Variants in DRICH1 observed in about 807,000 individuals in gnomAD.
The protein encoded by DRICH1 is aspartate-rich protein 1.
A neutral mutation model predicts 39.5 loss-of-function variants in DRICH1; 38 were observed. The observed-to-expected ratio is 0.96, with a 90% CI of 0.74 to 1.26. The LOEUF is 1.26. Among genes scored for constraint, DRICH1 ranks in the 50% most tolerant of loss-of-function variants. DRICH1 has a pLI of 0.00. For missense variants in DRICH1, 279 were observed against 270.4 expected, an observed-to-expected ratio of 1.03 and a Z score of -0.22; for synonymous variants, 84 against 99.5, an observed-to-expected ratio of 0.84 and a Z score of 0.93.
chr22:23,616,729 C>T (rs1927370712), intron 8 of DRICH1, 124 bp downstream of exon 8: 3 of 1,304,746 alleles, frequency 2.3e-6, no homozygotes, highest in Admixed American at 1.7e-5. Context: ...TAGCTATACA[C>T]TTGCAGAATC....
At chr22:23,618,647 T>A (rs1195869319) in intron 6 of DRICH1, among the ~76,000 whole-genome samples, 1 of 152,136 alleles carries the variant, frequency 6.6e-6, no homozygotes. Context: ...GAGCCTGCTC[T>A]ACCTGTACCA....
At chr22:23,608,825 T>C (rs1317268096) in intron 11 of DRICH1, 57 bp from the exon 12 acceptor site, 3 of 1,543,178 alleles carry the variant, frequency 1.9e-6, no homozygotes, top group Non-Finnish European at 2.6e-6. Flanking sequence ...TTGTGCACTA[T>C]GACATCATCC....
chr22:23,595,809 C>A, the DRICH1 span, among the ~76,000 whole-genome samples: 294 of 152,186 alleles, frequency 1.9e-3, no homozygotes, highest in Non-Finnish European at 3.2e-3. Context: ...TCTCAGGAAA[C>A]CCTAAGCCAG....
chr22:23,582,651 T>C, the DRICH1 span, among the ~76,000 whole-genome samples: 7 of 151,994 alleles, frequency 4.6e-5, no homozygotes, highest in South Asian at 4.2e-4. Context: ...CTGTGGCCTC[T>C]GCCTCCCGGG....
Position 23,620,870 on chromosome 22 carries a change from A to G in DRICH1, c.385-255T>C, listed in dbSNP as rs1313026174. Among the ~76,000 whole-genome samples, 3 of 152,212 alleles carry G rather than the reference A, an allele frequency of 2.0e-5. No individual in the cohort carries two copies. In the East Asian group the frequency reaches 5.8e-4, roughly 29 times the overall value. ...TTAGATTGGTAAATGCACAATGCCT[A>G]ATCCAAAGAGAAAAACTGGTGTGGA... On this transcript the variant is annotated intron_variant, in intron 4 of 11. Coordinates refer to ENST00000317749, the MANE Select transcript of DRICH1 (RefSeq NM_016449.4).
At position 23,608,516 on chromosome 22, in the gene DRICH1, G is replaced by A. The variant is rs1016639970; in HGVS notation, c.*248C>T. 9 of 524,720 alleles carry A rather than the reference G, an allele frequency of 1.7e-5. No individual in the cohort carries two copies. The highest frequency in any genetic ancestry group is 9.1e-5 in the Admixed American group (3 of 33,118). 32.5% of individuals were successfully genotyped at this position (524,720 alleles called of 1,614,324 possible). ...CTTTCTGCTCGTGGAGCACAGTCAC[G>A]TCTCTTCTCACTCTCTTGCCAAAGG... is the stretch of plus-strand genomic sequence containing the variant. On this transcript the variant is annotated 3_prime_UTR_variant, in exon 12 of 12. Coordinates refer to ENST00000317749, the MANE Select transcript of DRICH1 (RefSeq NM_016449.4).
the DRICH1 span, chr22:23,581,656 G>A: frequency 6.7e-6 from 1 of 150,254 alleles, no homozygotes. Context: ...CCAGGCTGGA[G>A]TGCAGTGTGG....
At chr22:23,621,811 G>T (rs1398650980) in intron 4 of DRICH1, among the ~76,000 whole-genome samples, 1 of 152,216 alleles carries the variant, frequency 6.6e-6, no homozygotes, top group Non-Finnish European at 1.5e-5. Context: ...CTACCTGGGA[G>T]GCTGAGGCAG....
rs140371041 is a variant in DRICH1 at position 23,618,861 on chromosome 22, A to C, written c.436+503T>G. Among the ~76,000 whole-genome samples the C allele has an allele frequency of 1.7e-3, 264 of 152,264 alleles. 5 individuals are homozygous for C. In the East Asian group the frequency reaches 0.038, roughly 22 times the overall value. On this transcript the variant is annotated intron_variant, in intron 6 of 11. Coordinates refer to ENST00000317749, the MANE Select transcript of DRICH1 (RefSeq NM_016449.4). ...CCTTGATGCCTATTCATTCAGACAT[A>C]CAAAATATTGGTATAAGATATCACA... is the stretch of plus-strand genomic sequence containing the variant.
chr22:23,609,579 G>A (rs1926922823), intron 11 of DRICH1, among the ~76,000 whole-genome samples: 1 of 152,122 alleles, frequency 6.6e-6, no homozygotes, highest in Non-Finnish European at 1.5e-5. Context: ...GTTTGTGCAG[G>A]TGTCAGCAGG....
the DRICH1 span, among the ~76,000 whole-genome samples, chr22:23,593,846 C>T: frequency 2.6e-5 from 4 of 151,772 alleles, no homozygotes; most frequent in East Asian, 1.9e-4. Context: ...GGCGTGGTGG[C>T]GCATGCCTGT....
At chr22:23,621,132 A>G (rs1927701511) in intron 4 of DRICH1, among the ~76,000 whole-genome samples, 1 of 152,106 alleles carries the variant, frequency 6.6e-6, no homozygotes, top group South Asian at 2.1e-4. Flanking sequence ...TCTGCCTTGA[A>G]CTGGTTTAGG....
chr22:23,611,035 C>T (rs982455883), intron 11 of DRICH1, among the ~76,000 whole-genome samples: 1 of 152,086 alleles, frequency 6.6e-6, no homozygotes, highest in African/African-American at 2.4e-5. Flanking sequence ...ACTCCCTGAG[C>T]CAAGAGCTTC....
intron 10 of DRICH1, 43 bp from the exon 11 acceptor site, chr22:23,613,373 A>G (rs1927158588): frequency 6.7e-7 from 1 of 1,492,362 alleles, no homozygotes. Flanking sequence ...AGAGAGAGTG[A>G]CTCACCCACT....
the DRICH1 span, among the ~76,000 whole-genome samples, chr22:23,594,623 C>T: frequency 6.6e-6 from 1 of 152,252 alleles, no homozygotes; most frequent in East Asian, 1.9e-4. Context: ...CAAGTGACTA[C>T]TCATCTGTCA....
chr22:23,618,490 T>A (rs1263173309), intron 6 of DRICH1, among the ~76,000 whole-genome samples: 1 of 152,170 alleles, frequency 6.6e-6, no homozygotes, highest in Non-Finnish European at 1.5e-5. Context: ...TAGTCATGAT[T>A]TCCTCTTTGT....
chr22:23,586,580 G>A, the DRICH1 span, among the ~76,000 whole-genome samples: 1 of 152,178 alleles, frequency 6.6e-6, no homozygotes, highest in Non-Finnish European at 1.5e-5. Flanking sequence ...TTTCACTCTT[G>A]TCACCCAGGC....
At chr22:23,632,683 G>GC (rs1054063741), upstream of DRICH1, 2 of 152,638 alleles carry the variant, frequency 1.3e-5, no homozygotes, top group Non-Finnish European at 2.9e-5. Context: ...TGAGCGGGGG[G>GC]GGTGGATCAC....
chr22:23,612,010 A>G (rs139461993), intron 11 of DRICH1, among the ~76,000 whole-genome samples: 345 of 152,304 alleles, frequency 2.3e-3, no homozygotes, highest in African/African-American at 7.4e-3. Flanking sequence ...GAGGAGCATG[A>G]ATTGGTGTCA....
Sources: gnomAD v4.1 joint callset for allele counts (sites outside exome capture counted in the v4.1 genomes callset) on GRCh38, gnomAD v4.1.1 for gene constraint, MANE v1.5 for transcripts, NCBI Gene and HGNC (gene_info 2026-07-23, HGNC 2026-07-21) for gene names.